The following EFL1 variants were observed in gnomAD, a reference collection of about 807,000 sequenced individuals.
The protein encoded by EFL1 is elongation factor-like GTPase 1.
Under a neutral mutation model 126.7 loss-of-function variants are expected in EFL1, and 76 were observed. The ratio of observed to expected loss-of-function variants is 0.60; its 90% CI spans 0.50 to 0.73. EFL1 has a LOEUF of 0.73. Ranked by LOEUF, EFL1 falls within the 30% of genes least tolerant of loss-of-function variation. The probability of loss-of-function intolerance (pLI) is 0.00; values close to 1 mark genes in which losing one functional copy is unlikely to be tolerated. For synonymous variants in EFL1, 410 were observed against 448.4 expected (o/e 0.91, Z 1.08); for missense variants, 1,128 against 1,343.2 (o/e 0.84, Z 2.50).
intron 15 of EFL1, among the ~76,000 whole-genome samples, chr15:82,165,843 G>T (rs1713269002): frequency 6.6e-6 from 1 of 152,146 alleles, no homozygotes; most frequent in Admixed American, 6.5e-5. Flanking sequence ...CAGACCTTTT[G>T]TGTGCATGGG....
rs549147127 is a variant in EFL1, at chr15:82,244,829, T to A, written c.245-3426A>T. ...AAAACTTCATGTAAGGAGTTTAGTG[T>A]TCAACTTCCAAAACACTGGAAATGC... On this transcript the variant is annotated intron_variant, in intron 4 of 19. Coordinates refer to ENST00000268206, the MANE Select transcript of EFL1 (RefSeq NM_024580.6). Among the ~76,000 whole-genome samples the A allele has an allele frequency of 1.1e-4, 17 of 152,244 alleles. No homozygotes were observed. In the South Asian group the frequency reaches 3.1e-3, roughly 28 times the overall value.
At chr15:82,193,144 G>GT (rs2074376476) in intron 15 of EFL1, among the ~76,000 whole-genome samples, 1 of 152,110 alleles carries the variant, frequency 6.6e-6, no homozygotes, top group South Asian at 2.1e-4. Flanking sequence ...TTCAAATTTT[G>GT]TATTTTTTAA....
Position 82,262,625 on chromosome 15 carries a change from G to T in EFL1, c.-31C>A. 2.3e-6 allele frequency: 1 copy of T among 429,032 alleles called. No homozygotes were observed. The highest frequency in any genetic ancestry group is 4.1e-6 in the Non-Finnish European group (1 of 241,122). The allele number at this position is 429,032 out of a possible 1,614,324, so 26.6% of individuals were successfully genotyped here. ...CAGCCCACACTCACCGGCTGCAGCA[G>T]CCCCACCAGCCCCGCTCCTTCTCTC... is the stretch of plus-strand genomic sequence containing the variant. On this transcript the variant is annotated 5_prime_UTR_variant, in exon 1 of 20. It adds an upstream start codon to the 5' untranslated region. Transcript: ENST00000268206.
At chr15:82,230,813 T>A in intron 8 of EFL1, 35 bp downstream of exon 8, 1 of 1,577,314 alleles carries the variant, frequency 6.3e-7, no homozygotes, top group South Asian at 1.2e-5. Flanking sequence ...GGCAAGAATA[T>A]GACCAACAAC....
rs913826797 is a variant in EFL1, at chr15:82,241,944, G to A, written c.245-541C>T. Among the ~76,000 whole-genome samples, 33 of 152,268 alleles carry A rather than the reference G, an allele frequency of 2.2e-4. 1 individual carries two copies. Among genetic ancestry groups the A allele is most frequent in the Admixed American group, 1.3e-4 (2 of 15,300 alleles). Reference sequence around the variant, plus strand: ...GCAGTTACTATGTGCCAAGCAGTGTGCTATGTGCTCTCCCATTAATATCTC... The same window carrying A: ...GCAGTTACTATGTGCCAAGCAGTGTACTATGTGCTCTCCCATTAATATCTC... On this transcript the variant is annotated intron_variant, in intron 4 of 19. Coordinates refer to ENST00000268206, the MANE Select transcript of EFL1 (RefSeq NM_024580.6).
chr15:82,163,192 T>C (rs1400064334), intron 16 of EFL1, among the ~76,000 whole-genome samples: 1 of 152,192 alleles, frequency 6.6e-6, no homozygotes, highest in Non-Finnish European at 1.5e-5. Flanking sequence ...AGGCAAATGA[T>C]GAATTCTGAA....
chr15:82,244,837 C>G (rs569329104), intron 4 of EFL1, among the ~76,000 whole-genome samples: 1 of 152,168 alleles, frequency 6.6e-6, no homozygotes, highest in South Asian at 2.1e-4. Context: ...TGTTCAACTT[C>G]CAAAACACTG....
chr15:82,251,129 T>C lies in EFL1; in HGVS notation c.244+1562A>G, dbSNP rs143950834. On this transcript the variant is annotated intron_variant, in intron 4 of 19. Coordinates refer to ENST00000268206, the MANE Select transcript of EFL1 (RefSeq NM_024580.6). ...CAGGAGGCTGAGGCAGGAGAATCGC[T>C]GGAATCCGGGAGGCAGAGGCTGCAG... Among the ~76,000 whole-genome samples the C allele has an allele frequency of 9.8e-3, 1,495 of 152,208 alleles. 27 individuals are homozygous for C. Among genetic ancestry groups the C allele is most frequent in the African/African-American group, 0.034 (1,428 of 41,510 alleles).
intron 3 of EFL1, among the ~76,000 whole-genome samples, chr15:82,258,052 T>C (rs1329402280): frequency 6.6e-6 from 1 of 152,212 alleles, no homozygotes; most frequent in South Asian, 2.1e-4. Flanking sequence ...CCCAAATCGA[T>C]CTTCAAGTCT....
Position 82,225,161 on chromosome 15 carries a change from T to C in EFL1, c.1292+4A>G. The C allele has an allele frequency of 6.2e-7, 1 of 1,600,098 alleles. No individual in the cohort carries two copies. The highest frequency in any genetic ancestry group is 8.5e-7 in the Non-Finnish European group (1 of 1,174,542). ...GCCCAGCCCAACTTTCCCCTTTCCC[T>C]TACCTTGGCTTATTCTGAGGCAAGG... On this transcript the variant is annotated splice_donor_region_variant and intron_variant, in intron 12 of 19. Coordinates refer to ENST00000268206, the MANE Select transcript of EFL1 (RefSeq NM_024580.6).
chr15:82,210,348 G>T (rs192570044), intron 15 of EFL1, among the ~76,000 whole-genome samples: 6 of 152,256 alleles, frequency 3.9e-5, no homozygotes, highest in Middle Eastern at 3.4e-3. Context: ...TTGAAGGCTA[G>T]GTCATAAAAG....
chr15:82,228,337 A>G lies in EFL1; in HGVS notation c.933-10T>C. On this transcript the variant is annotated splice_polypyrimidine_tract_variant and intron_variant, in intron 9 of 19. Coordinates refer to ENST00000268206, the MANE Select transcript of EFL1 (RefSeq NM_024580.6). ...AATTTTGTCTTTGTCCCTGTGGTAA[A>G]CACAAGATTGGAGAGGGGAAATGTC... 2 of 1,612,164 alleles carry G rather than the reference A, an allele frequency of 1.2e-6. No individual in the cohort carries two copies. The highest frequency in any genetic ancestry group is 1.7e-6 in the Non-Finnish European group (2 of 1,179,342).
chr15:82,258,144 T>A (rs767699171), intron 3 of EFL1, among the ~76,000 whole-genome samples: 2 of 152,190 alleles, frequency 1.3e-5, no homozygotes, highest in African/African-American at 2.4e-5. Flanking sequence ...ACCCTATTGA[T>A]CATATCCTAA....
At chr15:82,140,109 C>G (rs557577440) in intron 18 of EFL1, among the ~76,000 whole-genome samples, 1 of 152,292 alleles carries the variant, frequency 6.6e-6, no homozygotes, top group South Asian at 2.1e-4. Flanking sequence ...AGCTTAAAAA[C>G]AAATTAACAC....
At chr15:82,214,207 G>A (rs1295756712) in intron 15 of EFL1, among the ~76,000 whole-genome samples, 2 of 152,144 alleles carry the variant, frequency 1.3e-5, no homozygotes, top group South Asian at 2.1e-4. Context: ...TCTGCACATG[G>A]GGGACAGAAG....
intron 15 of EFL1, among the ~76,000 whole-genome samples, chr15:82,200,090 G>A (rs190975257): frequency 2.6e-5 from 4 of 152,308 alleles, no homozygotes; most frequent in African/African-American, 9.6e-5. Context: ...GCAGGGGCAA[G>A]TTTATTTGAT....
chr15:82,134,130 T>C (rs1490719498), intron 19 of EFL1, among the ~76,000 whole-genome samples: 1 of 152,232 alleles, frequency 6.6e-6, no homozygotes, highest in Non-Finnish European at 1.5e-5. Context: ...TATGACTGTA[T>C]GAAGACATCT....
At chr15:82,220,263 A>C in intron 12 of EFL1, 34 bp from the exon 13 acceptor site, 2 of 1,541,934 alleles carry the variant, frequency 1.3e-6, no homozygotes, top group Non-Finnish European at 1.7e-6. Flanking sequence ...GTCATCTCTC[A>C]GTTCATCCAA....
chr15:82,178,122 T>G (rs1407452617), intron 15 of EFL1, among the ~76,000 whole-genome samples: 1 of 152,256 alleles, frequency 6.6e-6, no homozygotes, highest in Non-Finnish European at 1.5e-5. Context: ...TCTTTAGATT[T>G]ATCAGCAACA....
Sources: gnomAD v4.1 joint callset for allele counts (sites outside exome capture counted in the v4.1 genomes callset) on GRCh38, gnomAD v4.1.1 for gene constraint, MANE v1.5 for transcripts, NCBI Gene and HGNC (gene_info 2026-07-23, HGNC 2026-07-21) for gene names.